Variants in SPATA17 observed in about 807,000 individuals in gnomAD.
SPATA17 encodes the protein spermatogenesis associated 17, also known as spermatogenesis-associated protein 17.
A neutral mutation model predicts 62.2 loss-of-function variants in SPATA17; 53 were observed. That is an observed-to-expected ratio of 0.85 (90% CI 0.68 to 1.07). The LOEUF is 1.07. Ranked by LOEUF, SPATA17 falls within the 50% of genes least tolerant of loss-of-function variation. The probability of loss-of-function intolerance (pLI) is 0.00; values close to 1 mark genes in which losing one functional copy is unlikely to be tolerated. For missense variants in SPATA17, 466 were observed against 425.5 expected, an observed-to-expected ratio of 1.10 and a Z score of -0.84; for synonymous variants, 146 against 146.8, an observed-to-expected ratio of 0.99 and a Z score of 0.04.
At chr1:217,749,919 A>G (rs1672857712) in intron 6 of SPATA17, among the ~76,000 whole-genome samples, 2 of 141,464 alleles carry the variant, frequency 1.4e-5, no homozygotes, top group Non-Finnish European at 3.1e-5. Flanking sequence ...CTGACTTTAT[A>G]TCCTAGAGAA....
At chr1:217,670,903 A>G (rs891988396) in intron 4 of SPATA17, among the ~76,000 whole-genome samples, 59 of 148,046 alleles carry the variant, frequency 4.0e-4, no homozygotes, top group Non-Finnish European at 2.4e-4. Flanking sequence ...GTGAGCCGAG[A>G]TCCCACCACT....
intron 9 of SPATA17, among the ~76,000 whole-genome samples, chr1:217,818,615 C>A (rs1343287270): frequency 1.3e-5 from 2 of 151,824 alleles, no homozygotes; most frequent in African/African-American, 4.8e-5. Flanking sequence ...CTTATGGGAA[C>A]ATCATCATAT....
Position 217,698,210 on chromosome 1 carries a change from G to A in SPATA17, c.395+14849G>A, listed in dbSNP as rs551052136. On this transcript the variant is annotated intron_variant, in intron 5 of 10. Coordinates refer to ENST00000366933, the MANE Select transcript of SPATA17 (RefSeq NM_138796.4). ...TCTCAGCATTTTGGGAGGCTGAGGC[G>A]GGCAGATCACCTTGGGAGTTTGAGA... Among the ~76,000 whole-genome samples the A allele has an allele frequency of 3.9e-4, 59 of 152,114 alleles. No homozygotes were observed. The South Asian group carries it at 0.011, about 28-fold the overall frequency.
intron 5 of SPATA17, among the ~76,000 whole-genome samples, chr1:217,733,233 A>G (rs1433510092): frequency 6.6e-6 from 1 of 152,206 alleles, no homozygotes; most frequent in Non-Finnish European, 1.5e-5. Flanking sequence ...ATTTACTAGC[A>G]TTACTCTTAG....
chr1:217,641,990 A>T (rs191269692), intron 1 of SPATA17, among the ~76,000 whole-genome samples: 2 of 152,280 alleles, frequency 1.3e-5, no homozygotes, highest in East Asian at 3.9e-4. Flanking sequence ...ACTTTTGAAG[A>T]TTACAAATCA....
At chr1:217,764,401 T>G (rs1673249618) in intron 6 of SPATA17, among the ~76,000 whole-genome samples, 1 of 152,188 alleles carries the variant, frequency 6.6e-6, no homozygotes, top group South Asian at 2.1e-4. Flanking sequence ...GCATGTCTTT[T>G]CATGGTGTGA....
rs927463992 is a variant in SPATA17, at chr1:217,868,421, A to C, written c.*1402A>C. ...TGAAAATATTGTAAGTTAAAAATGC[A>C]TTTAATACAGCTAACTTACCAGACA... On this transcript the variant is annotated 3_prime_UTR_variant, in exon 11 of 11. Coordinates refer to ENST00000366933, the MANE Select transcript of SPATA17 (RefSeq NM_138796.4). The C allele has an allele frequency of 6.6e-6, 1 of 152,190 alleles. No individual in the cohort carries two copies. The highest frequency in any genetic ancestry group is 1.5e-5 in the Non-Finnish European group (1 of 68,036). The allele number at this position is 152,190 out of a possible 1,614,324, so 9.4% of individuals were successfully genotyped here.
At chr1:217,805,761 A>C (rs369753673) in intron 9 of SPATA17, among the ~76,000 whole-genome samples, 1 of 152,256 alleles carries the variant, frequency 6.6e-6, no homozygotes, top group African/African-American at 2.4e-5. Context: ...CACACATGTT[A>C]GAATGGCTAT....
intron 6 of SPATA17, among the ~76,000 whole-genome samples, chr1:217,750,059 G>A (rs1441250293): frequency 7.2e-6 from 1 of 138,988 alleles, no homozygotes; most frequent in African/African-American, 2.7e-5. Flanking sequence ...AAATTCAGAA[G>A]CCTCCCCTCT....
chr1:217,853,232 G>A (rs1333304763), intron 9 of SPATA17, among the ~76,000 whole-genome samples: 1 of 152,120 alleles, frequency 6.6e-6, no homozygotes, highest in East Asian at 1.9e-4. Flanking sequence ...GATCATGAGA[G>A]TAATGTTTAT....
chr1:217,701,248 A>G (rs1385473799), intron 5 of SPATA17, among the ~76,000 whole-genome samples: 1 of 151,946 alleles, frequency 6.6e-6, no homozygotes, highest in Non-Finnish European at 1.5e-5. Context: ...TGCTGGGATT[A>G]CAGGCATGAG....
At chr1:217,836,983 A>G (rs1290617530) in intron 9 of SPATA17, among the ~76,000 whole-genome samples, 1 of 152,164 alleles carries the variant, frequency 6.6e-6, no homozygotes, top group African/African-American at 2.4e-5. Flanking sequence ...ACTCTTTAAA[A>G]AAATTAAAGA....
At chr1:217,647,924 C>T (rs1315016978) in intron 1 of SPATA17, among the ~76,000 whole-genome samples, 4 of 151,920 alleles carry the variant, frequency 2.6e-5, no homozygotes, top group Admixed American at 2.6e-4. Flanking sequence ...AGTTTCACCA[C>T]GTTGGCCAGG....
intron 5 of SPATA17, among the ~76,000 whole-genome samples, chr1:217,734,461 C>T (rs571937675): frequency 2.0e-5 from 3 of 152,136 alleles, no homozygotes; most frequent in African/African-American, 4.8e-5. Flanking sequence ...CCTCAGCCTC[C>T]GGAATAGCTG....
At chr1:217,854,659 T>C (rs980405917) in intron 9 of SPATA17, among the ~76,000 whole-genome samples, 1 of 152,126 alleles carries the variant, frequency 6.6e-6, no homozygotes, top group East Asian at 1.9e-4. Flanking sequence ...ACCCAGGTAA[T>C]TGAATGTACG....
intron 8 of SPATA17, among the ~76,000 whole-genome samples, chr1:217,798,745 T>G (rs1228111188): frequency 6.6e-6 from 1 of 152,192 alleles, no homozygotes; most frequent in Non-Finnish European, 1.5e-5. Context: ...TGGGATAATA[T>G]TCTCAGTTGC....
intron 7 of SPATA17, chr1:217,781,183 A>G (rs1673718871): frequency 6.6e-6 from 1 of 152,194 alleles, no homozygotes; most frequent in African/African-American, 2.4e-5. Flanking sequence ...AATGTAAAGC[A>G]TAAGTGAACA....
chr1:217,727,473 G>A (rs908612319), intron 5 of SPATA17, among the ~76,000 whole-genome samples: 1 of 151,794 alleles, frequency 6.6e-6, no homozygotes, highest in Non-Finnish European at 1.5e-5. Flanking sequence ...AGTGTTCATT[G>A]AAAATAAGAT....
In SPATA17 at chr1:217,869,744, T is replaced by G. The variant is rs940645241; in HGVS notation, c.*2725T>G. On this transcript the variant is annotated 3_prime_UTR_variant, in exon 11 of 11. Coordinates refer to ENST00000366933, the MANE Select transcript of SPATA17 (RefSeq NM_138796.4). ...GAGGGTATAATGAAGCATGTCCAAT[T>G]CCCCATGCCCCACCCCCACCCCCAC... 5 of 151,846 alleles carry G rather than the reference T, an allele frequency of 3.3e-5. No homozygotes were observed. Among genetic ancestry groups the G allele is most frequent in the Non-Finnish European group, 7.4e-5 (5 of 67,962 alleles). 9.4% of individuals were successfully genotyped at this position (151,846 alleles called of 1,614,324 possible). A position where few individuals can be genotyped will look rare whatever the true frequency, so the allele number is the denominator to read the frequency against.
Sources: allele counts gnomAD v4.1 joint callset (sites outside exome capture counted in the v4.1 genomes callset), GRCh38; gene constraint gnomAD v4.1.1; transcripts MANE v1.5; gene names NCBI Gene and HGNC (gene_info 2026-07-23, HGNC 2026-07-21).